Variants in SAMD12 observed in about 807,000 individuals in gnomAD.
SAMD12 encodes the protein sterile alpha motif domain containing 12.
In SAMD12, 9 loss-of-function variants were observed where a neutral mutation model predicts 15.0. The ratio of observed to expected loss-of-function variants is 0.60; its 90% CI spans 0.36 to 1.05. SAMD12 has a LOEUF of 1.05. Ranked by LOEUF, SAMD12 falls within the 50% of genes least tolerant of loss-of-function variation. The pLI is 0.01. For synonymous variants in SAMD12, 86 were observed against 90.1 expected (o/e 0.96, Z 0.25); for missense variants, 230 against 234.2 (o/e 0.98, Z 0.12).
At chr8:118,388,889 G>T (rs756704649) in intron 3 of SAMD12, among the ~76,000 whole-genome samples, 1 of 152,108 alleles carries the variant, frequency 6.6e-6, no homozygotes, top group African/African-American at 2.4e-5. Context: ...GGTGAGAGGA[G>T]AAAGTCAGAG....
downstream of SAMD12, among the ~76,000 whole-genome samples, chr8:118,188,332 A>T (rs1341762735): frequency 1.3e-5 from 2 of 152,128 alleles, no homozygotes; most frequent in African/African-American, 2.4e-5. Context: ...AACTGACAAA[A>T]AGGTGGCTCC....
chr8:118,550,055 G>C (rs1317676376), intron 2 of SAMD12, among the ~76,000 whole-genome samples: 2 of 152,180 alleles, frequency 1.3e-5, no homozygotes, highest in Non-Finnish European at 2.9e-5. Flanking sequence ...CGACTGATTG[G>C]TGTACCTGAA....
At chr8:118,187,346 A>G (rs1051514840), downstream of SAMD12, among the ~76,000 whole-genome samples, 3 of 152,318 alleles carry the variant, frequency 2.0e-5, no homozygotes, top group East Asian at 3.9e-4. Flanking sequence ...TGCCTTATAA[A>G]TAGAAACTGG....
chr8:118,419,763 CT>C (rs1236281804), intron 3 of SAMD12, among the ~76,000 whole-genome samples: 1 of 152,140 alleles, frequency 6.6e-6, no homozygotes, highest in Non-Finnish European at 1.5e-5. Flanking sequence ...TATGGAATAA[CT>C]ACAGCAGTCC....
rs145881436 is a variant in SAMD12, at chr8:118,510,774, T to A, written c.192+69941A>T. ...AAATGCTGGGGCAAAAGAGTACTAT[T>A]TATTAGTTAAACAATTATTCACAAA... On this transcript the variant is annotated intron_variant, in intron 2 of 3. Coordinates refer to ENST00000314727, the MANE Select transcript of SAMD12 (RefSeq NM_207506.3). Among the ~76,000 whole-genome samples the A allele has an allele frequency of 2.5e-3, 385 of 152,338 alleles. 2 individuals carry two copies. Among genetic ancestry groups the A allele is most frequent in the African/African-American group, 9.0e-3 (373 of 41,574 alleles).
intron 3 of SAMD12, among the ~76,000 whole-genome samples, chr8:118,409,151 G>C (rs1160522477): frequency 2.6e-5 from 4 of 152,046 alleles, no homozygotes; most frequent in African/African-American, 9.7e-5. Flanking sequence ...GGGTGTGGAG[G>C]GGAGGAAAAA....
At chr8:118,239,531 T>C (rs1812520495) in intron 4 of SAMD12, among the ~76,000 whole-genome samples, 1 of 152,178 alleles carries the variant, frequency 6.6e-6, no homozygotes, top group Non-Finnish European at 1.5e-5. Flanking sequence ...ACAACCTTAA[T>C]GGGCACCAGT....
chr8:118,600,885 T>C (rs1374523295), intron 1 of SAMD12, among the ~76,000 whole-genome samples: 3 of 152,170 alleles, frequency 2.0e-5, no homozygotes, highest in Admixed American at 6.5e-5. Flanking sequence ...AACAATGTGT[T>C]ATGTTAAAAG....
chr8:118,596,544 A>G (rs1827729547), intron 1 of SAMD12, among the ~76,000 whole-genome samples: 1 of 152,150 alleles, frequency 6.6e-6, no homozygotes, highest in African/African-American at 2.4e-5. Flanking sequence ...TGCTGATTCT[A>G]TCAATGACCC....
At chr8:118,286,165 T>C (rs566351536) in intron 4 of SAMD12, among the ~76,000 whole-genome samples, 48 of 96,132 alleles carry the variant, frequency 5.0e-4, no homozygotes, top group African/African-American at 1.9e-3. Flanking sequence ...CGGGGCCTGT[T>C]GTGGGGTGAG....
chr8:118,511,398 T>TG (rs1305819785), intron 2 of SAMD12, among the ~76,000 whole-genome samples: 1 of 152,224 alleles, frequency 6.6e-6, no homozygotes, highest in Non-Finnish European at 1.5e-5. Context: ...CAACATATTA[T>TG]GCCTTGTCTA....
At chr8:118,243,289 T>C (rs1051035438) in intron 4 of SAMD12, among the ~76,000 whole-genome samples, 1 of 152,140 alleles carries the variant, frequency 6.6e-6, no homozygotes, top group Non-Finnish European at 1.5e-5. Context: ...TTGGCATTTT[T>C]GCATTAGTGG....
chr8:118,381,689 A>C (rs950872047), intron 3 of SAMD12, among the ~76,000 whole-genome samples: 5 of 152,148 alleles, frequency 3.3e-5, no homozygotes, highest in Admixed American at 1.3e-4. Flanking sequence ...CAAGGAAATG[A>C]ATTATCTCCC....
chr8:118,347,984 C>G (rs7822773), intron 4 of SAMD12, among the ~76,000 whole-genome samples: 39,857 of 152,112 alleles, frequency 0.26, 6,870 homozygotes, highest in African/African-American at 0.48. Context: ...ATAGCAAGCT[C>G]CTTAACCTTA....
intron 1 of SAMD12, among the ~76,000 whole-genome samples, chr8:118,582,805 T>C (rs1221863041): frequency 6.6e-6 from 1 of 152,080 alleles, no homozygotes; most frequent in African/African-American, 2.4e-5. Flanking sequence ...CTAGATTAAA[T>C]GGTATGGAAA....
In SAMD12 at chr8:118,342,135, C is replaced by CA. The variant is rs570458660; in HGVS notation, c.433+37424dup. 3.0e-4 allele frequency among the ~76,000 whole-genome samples: 45 copies of CA among 152,008 alleles called. No individual in the cohort carries two copies. In the South Asian group the frequency reaches 8.9e-3, roughly 30 times the overall value. On this transcript the variant is annotated intron_variant, in intron 4 of 4. Coordinates refer to the SAMD12 transcript ENST00000409003. ...CAAAACCCCGTCTCTACTAAAAATA[C>CA]AAAAAAATTAGCCAGGCTTGGTGGC...
intron 4 of SAMD12, among the ~76,000 whole-genome samples, chr8:118,287,256 C>T (rs1035129470): frequency 2.0e-5 from 3 of 151,360 alleles, no homozygotes; most frequent in Non-Finnish European, 4.4e-5. Context: ...TTCCGAGTAG[C>T]TGGGACTACA....
exon 5 of SAMD12, chr8:118,189,579 A>C (rs376739042): frequency 6.6e-6 from 1 of 152,272 alleles, no homozygotes; most frequent in East Asian, 1.9e-4. Flanking sequence ...CCTGATAGAG[A>C]TCATGCTCAC....
chr8:118,454,603 TA>T lies in SAMD12; in HGVS notation c.193-14643del, dbSNP rs1210045900. 6.6e-5 allele frequency among the ~76,000 whole-genome samples: 10 copies of T among 152,324 alleles called. No individual in the cohort carries two copies. The East Asian group carries it at 1.7e-3, about 26-fold the overall frequency. Reference sequence around the variant, plus strand: ...ATCTTTCAAATTGAGTATCTACATTTAAAAAAGTTTTTATTTTTAGTTTGGT... The same window carrying T: ...ATCTTTCAAATTGAGTATCTACATTTAAAAAGTTTTTATTTTTAGTTTGGT... On this transcript the variant is annotated intron_variant, in intron 2 of 3. Transcript: ENST00000314727.
Sources: gnomAD v4.1 joint callset for allele counts (sites outside exome capture counted in the v4.1 genomes callset) on GRCh38, gnomAD v4.1.1 for gene constraint, MANE v1.5 for transcripts, NCBI Gene and HGNC (gene_info 2026-07-23, HGNC 2026-07-21) for gene names.